Variants in ZYX observed in about 807,000 individuals in gnomAD.
The protein encoded by ZYX is zyxin.
In ZYX, 37 loss-of-function variants were observed where a neutral mutation model predicts 58.1. That is an observed-to-expected ratio of 0.64 (90% CI 0.49 to 0.84). The LOEUF (loss-of-function observed/expected upper bound fraction) is 0.84, where lower values mean the gene tolerates loss of function less well. ZYX is among the 40% of genes least tolerant of loss of function. The pLI is 0.00. For missense variants in ZYX, 762 were observed against 761.6 expected, an observed-to-expected ratio of 1.00 and a Z score of -0.01; for synonymous variants, 324 against 321.1, an observed-to-expected ratio of 1.01 and a Z score of -0.10.
Position 143,390,885 on chromosome 7 carries a change from C to T in ZYX, c.*203C>T, listed in dbSNP as rs550554697. 12 of 562,236 alleles carry T rather than the reference C, an allele frequency of 2.1e-5. No individual in the cohort carries two copies. Among genetic ancestry groups the T allele is most frequent in the Admixed American group, 1.5e-4 (5 of 32,488 alleles). 34.8% of individuals were successfully genotyped at this position (562,236 alleles called of 1,614,324 possible). A position where few individuals can be genotyped will look rare whatever the true frequency, so the allele number is the denominator to read the frequency against. On this transcript the variant is annotated 3_prime_UTR_variant, in exon 10 of 10. Coordinates refer to ENST00000322764, the MANE Select transcript of ZYX (RefSeq NM_003461.5). The surrounding 1 kb of genome is among the most constrained non-coding windows in gnomAD (Gnocchi z 4.3). ...CCCGCCCTGGGGTCTGGTCCTCGCC[C>T]ATCCTGCAGGGATTGCCCACCGTCT...
Position 143,390,113 on chromosome 7 carries a change from C to A in ZYX, c.1614+136C>A. 1 of 1,278,724 alleles carries A rather than the reference C, an allele frequency of 7.8e-7. No individual in the cohort carries two copies. 79.2% of individuals were successfully genotyped at this position (1,278,724 alleles called of 1,614,324 possible). ...ATTTTGAGGGTGGCTCATGGTGGCA[C>A]CCCATCTGTCCTGCCAGAATGCTTC... is the stretch of plus-strand genomic sequence containing the variant. On this transcript the variant is annotated intron_variant, in intron 9 of 9. Coordinates refer to ENST00000322764, the MANE Select transcript of ZYX (RefSeq NM_003461.5). The surrounding 1 kb of genome is among the most constrained non-coding windows in gnomAD (Gnocchi z 4.3).
rs1444967841 is a variant in ZYX at position 143,389,726 on chromosome 7, T to C, written c.1494-131T>C. 3.0e-6 allele frequency: 4 copies of C among 1,338,680 alleles called. No individual in the cohort carries two copies. The highest frequency in any genetic ancestry group is 4.1e-6 in the Non-Finnish European group (4 of 984,880). 82.9% of individuals were successfully genotyped at this position (1,338,680 alleles called of 1,614,324 possible). On this transcript the variant is annotated intron_variant, in intron 8 of 9. Transcript: ENST00000322764. This position sits in a 1 kb window ranked among gnomAD's most constrained non-coding sequence, Gnocchi z 5.6. Reference sequence around the variant, plus strand: ...ATGGTGTCTCACTCTTAGGCCCTTCTGGTGAGCTTCCTTCACCTGGAGATG... The same window carrying C: ...ATGGTGTCTCACTCTTAGGCCCTTCCGGTGAGCTTCCTTCACCTGGAGATG...
At chr7:143,385,410 T>C (rs552524819) in intron 5 of ZYX, among the ~76,000 whole-genome samples, 1 of 151,926 alleles carries the variant, frequency 6.6e-6, no homozygotes, top group South Asian at 2.1e-4. Flanking sequence ...TATGTGAGTG[T>C]ATGTGCATGT....
chr7:143,382,635 C>G lies in ZYX; in HGVS notation c.451C>G (p.Leu151Val), dbSNP rs774226385. 1.9e-6 allele frequency: 3 copies of G among 1,614,104 alleles called. No homozygotes were observed. The highest frequency in any genetic ancestry group is 1.7e-6 in the Non-Finnish European group (2 of 1,179,990). ...VSSIDLEIDS[L>V]SSLLDDMTKN... ...CAGTATTGATTTGGAGATCGACTCT[C>G]TGTCCTCACTGCTGGATGACATGAC... The change falls in exon 4 of 10, where the codon CTG becomes GTG. Residue 151 changes from leucine to valine, a missense_variant. Physicochemically the swap from Leu to Val is conservative, Grantham distance 32. Transcript: ENST00000322764.
rs1210934001 is a variant in ZYX at position 143,390,555 on chromosome 7, C to G, written c.1615-23C>G. Reference sequence around the variant, plus strand: ...GAGCAGGGGCCTTCCGGTCCAGTGCCCCTCACCCTTCCTTCTTCCCAGGAC... The same window carrying G: ...GAGCAGGGGCCTTCCGGTCCAGTGCGCCTCACCCTTCCTTCTTCCCAGGAC... On this transcript the variant is annotated intron_variant, in intron 9 of 9. Transcript: ENST00000322764. This position sits in a 1 kb window ranked among gnomAD's most constrained non-coding sequence, Gnocchi z 4.3. The G allele has an allele frequency of 6.5e-7, 1 of 1,537,804 alleles. No individual in the cohort carries two copies. Among genetic ancestry groups the G allele is most frequent in the Non-Finnish European group, 8.8e-7 (1 of 1,133,754 alleles).
intron 2 of ZYX, 32 bp from the exon 3 acceptor site, chr7:143,382,216 C>T: frequency 6.3e-7 from 1 of 1,593,954 alleles, no homozygotes; most frequent in Non-Finnish European, 8.6e-7. Flanking sequence ...GTAGAGGGAC[C>T]CCGGCCGACG....
At position 143,390,735 on chromosome 7, in the gene ZYX, A is replaced by G. The variant is rs574580976; in HGVS notation, c.*53A>G. The G allele has an allele frequency of 6.0e-6, 8 of 1,335,514 alleles. No homozygotes were observed. In the East Asian group the frequency reaches 2.0e-4, roughly 33 times the overall value. The allele number at this position is 1,335,514 out of a possible 1,614,324, so 82.7% of individuals were successfully genotyped here. ...GTCCATGCCCCATTGTGGACCACCC[A>G]CACTGAGACCACCTGCCCCCACCTC... On this transcript the variant is annotated 3_prime_UTR_variant, in exon 10 of 10. Coordinates refer to ENST00000322764, the MANE Select transcript of ZYX (RefSeq NM_003461.5). This position sits in a 1 kb window ranked among gnomAD's most constrained non-coding sequence, Gnocchi z 4.3.
Position 143,388,816 on chromosome 7 carries a change from T to C in ZYX, c.1364T>C (p.Met455Thr), listed in dbSNP as rs773934127. Reference protein sequence around the residue: ...NTCGEPITDRMLRATGKAYHP... With the variant: ...NTCGEPITDRTLRATGKAYHP... The stretch of plus-strand genomic sequence containing the variant: ...TGCGGGGAGCCCATCACTGACCGCA[T>C]GCTGAGGGCCACGGGCAAGGCCTAT... The change falls in exon 8 of 10, where the codon ATG (methionine) becomes ACG (threonine). Residue 455 changes from methionine (M) to threonine (T), a missense_variant. By Grantham distance (81) the Met-to-Thr change is moderately conservative (BLOSUM62 -1). Coordinates refer to ENST00000322764, the MANE Select transcript of ZYX (RefSeq NM_003461.5). This position sits in a 1 kb window ranked among gnomAD's most constrained non-coding sequence, Gnocchi z 7.5. 3.1e-6 allele frequency: 5 copies of C among 1,613,964 alleles called. No homozygotes were observed. In the African/African-American group the frequency reaches 5.3e-5, roughly 17 times the overall value.
rs1164019960 is a variant in ZYX, at chr7:143,387,719, T to G, written c.1024-500T>G. ...GGTTCTTGCAGACAGCTCAGTGGGT[T>G]TAACCTGCAATTCCTGCCTGTGTTG... On this transcript the variant is annotated intron_variant, in intron 5 of 9. Coordinates refer to ENST00000322764, the MANE Select transcript of ZYX (RefSeq NM_003461.5). This position sits in a 1 kb window ranked among gnomAD's most constrained non-coding sequence, Gnocchi z 5.8. 2.1e-6 allele frequency: 1 copy of G among 471,248 alleles called. No homozygotes were observed. Among genetic ancestry groups the G allele is most frequent in the Non-Finnish European group, 4.4e-6 (1 of 227,056 alleles). The allele number at this position is 471,248 out of a possible 1,614,324, so 29.2% of individuals were successfully genotyped here.
chr7:143,386,808 A>G (rs895917976), intron 5 of ZYX, among the ~76,000 whole-genome samples: 17 of 152,112 alleles, frequency 1.1e-4, no homozygotes, highest in African/African-American at 4.1e-4. Context: ...CTTGGAGGTA[A>G]ATCTGAGGTC....
chr7:143,382,269 C>T lies in ZYX; in HGVS notation c.230C>T (p.Pro77Leu), dbSNP rs199506559. The T allele has an allele frequency of 5.5e-5, 89 of 1,612,780 alleles. 1 individual carries two copies. In the South Asian group the frequency reaches 9.6e-4, roughly 17 times the overall value. Residue 77 changes from proline to leucine, a missense_variant, in exon 3 of 10, where the codon CCC becomes CTC. Coordinates refer to ENST00000322764, the MANE Select transcript of ZYX (RefSeq NM_003461.5). ...PPEDFPLPPP[P>L]LAGDGDDAEG... Reference sequence around the variant, plus strand: ...CCAGACTTTCCCCTGCCTCCACCTCCCCTTGCTGGGGATGGCGACGATGCA... The same window carrying T: ...CCAGACTTTCCCCTGCCTCCACCTCTCCTTGCTGGGGATGGCGACGATGCA...
Position 143,389,829 on chromosome 7 carries a change from C to G in ZYX, c.1494-28C>G. 1 of 1,612,210 alleles carries G rather than the reference C, an allele frequency of 6.2e-7. No individual in the cohort carries two copies. ...CACCGGGGATGAAAGCCCTGGCTAA[C>G]TCGGCTGGCCCTTTCTGCCCCTTCC... On this transcript the variant is annotated intron_variant, in intron 8 of 9. Coordinates refer to ENST00000322764, the MANE Select transcript of ZYX (RefSeq NM_003461.5). This position sits in a 1 kb window ranked among gnomAD's most constrained non-coding sequence, Gnocchi z 5.6.
intron 3 of ZYX, 41 bp from the exon 4 acceptor site, chr7:143,382,552 A>T (rs1303458388): frequency 1.2e-6 from 2 of 1,606,308 alleles, no homozygotes; most frequent in Non-Finnish European, 1.7e-6. Flanking sequence ...GGGTGGGGGG[A>T]TAGAGGCATG....
At position 143,389,928 on chromosome 7, in the gene ZYX, G is replaced by A. The variant is rs200704529; in HGVS notation, c.1565G>A (p.Arg522Gln). ...GAGCCTGGCCGAGATGAGACTGTGCGAGTGGTCGCCCTGGACAAGAACTTC... is the reference window on the plus strand; with the variant it reads ...GAGCCTGGCCGAGATGAGACTGTGCAAGTGGTCGCCCTGGACAAGAACTTC... ...MPEPGRDETV[R>Q]VVALDKNFHM... is the part of the protein sequence containing the mutation. Residue 522 changes from arginine (R) to glutamine (Q), a missense_variant, in exon 9 of 10, where the codon CGA becomes CAA. Transcript: ENST00000322764. This position sits in a 1 kb window ranked among gnomAD's most constrained non-coding sequence, Gnocchi z 5.6. 8.1e-6 allele frequency: 13 copies of A among 1,614,218 alleles called. No individual in the cohort carries two copies. The highest frequency in any genetic ancestry group is 3.3e-5 in the Admixed American group (2 of 60,028).
chr7:143,381,375 C>T lies in ZYX; in HGVS notation c.-50C>T, dbSNP rs1586558857. ...GTCTGCGGACCCGGCGCCGAGGCGG[C>T]CACCCGAGACGCGGCGCGCACGCTC... On this transcript the variant is annotated 5_prime_UTR_variant, in exon 1 of 10. Transcript: ENST00000322764. The T allele has an allele frequency of 8.5e-6, 10 of 1,171,234 alleles. No homozygotes were observed. The East Asian group carries it at 4.2e-4, about 49-fold the overall frequency. The allele number at this position is 1,171,234 out of a possible 1,614,324, so 72.6% of individuals were successfully genotyped here.
At position 143,389,803 on chromosome 7, in the gene ZYX, A is replaced by C; in HGVS notation, c.1494-54A>C. ...TGCCCAACCTGGCTTATGCGTGCGC[A>C]CACCGGGGATGAAAGCCCTGGCTAA... On this transcript the variant is annotated intron_variant, in intron 8 of 9. Transcript: ENST00000322764. This position sits in a 1 kb window ranked among gnomAD's most constrained non-coding sequence, Gnocchi z 5.6. 6.2e-7 allele frequency: 1 copy of C among 1,605,512 alleles called. No homozygotes were observed.
Position 143,381,455 on chromosome 7 carries a change from GGGGCGCC to G in ZYX, c.-16+50_-16+56del, listed in dbSNP as rs1356565805. ...GGGCGGCCCCACGGGGAGGGGGCGC[GGGGCGCC>G]GGGAGGGGGCGAGTGGGGGTCACCA... On this transcript the variant is annotated intron_variant, in intron 1 of 9. Transcript: ENST00000322764. 3.1e-6 allele frequency: 4 copies of G among 1,298,160 alleles called. No homozygotes were observed. In the African/African-American group the frequency reaches 6.2e-5, roughly 20 times the overall value. The allele number at this position is 1,298,160 out of a possible 1,614,324, so 80.4% of individuals were successfully genotyped here.
Position 143,387,683 on chromosome 7 carries a change from G to C in ZYX, c.1024-536G>C. 2.1e-6 allele frequency: 1 copy of C among 471,122 alleles called. No individual in the cohort carries two copies. The highest frequency in any genetic ancestry group is 6.9e-5 in the East Asian group (1 of 14,392). The allele number at this position is 471,122 out of a possible 1,614,324, so 29.2% of individuals were successfully genotyped here. A position where few individuals can be genotyped will look rare whatever the true frequency, so the allele number is the denominator to read the frequency against. ...CTCGAGGGACAGGGTCTCTGTGTGG[G>C]GGTGGGGCTGGGTTCTTGCAGACAG... On this transcript the variant is annotated intron_variant, in intron 5 of 9. Coordinates refer to ENST00000322764, the MANE Select transcript of ZYX (RefSeq NM_003461.5). The surrounding 1 kb of genome is among the most constrained non-coding windows in gnomAD (Gnocchi z 5.8).
rs11978404 is a variant in ZYX at position 143,382,967 on chromosome 7, A to T, written c.668A>T (p.His223Leu). 0.048 allele frequency: 78,249 copies of T among 1,613,390 alleles called. 5,589 individuals are homozygous for T. The highest frequency in any genetic ancestry group is 0.34 in the African/African-American group (25,771 of 74,858). ...CCGGCTCAGAGCCAGACACAGTTCCATGTTCAGCCCCAGCCCCAGCCCAAG... is the reference window on the plus strand; with the variant it reads ...CCGGCTCAGAGCCAGACACAGTTCCTTGTTCAGCCCCAGCCCCAGCCCAAG... The part of the protein sequence containing the change: ...PAPAQSQTQF[H>L]VQPQPQPKPQ... The change falls in exon 5 of 10, where the codon CAT becomes CTT. Residue 223 changes from histidine (H) to leucine (L), a missense_variant. Transcript: ENST00000322764.
Sources: allele counts gnomAD v4.1 joint callset (sites outside exome capture counted in the v4.1 genomes callset), GRCh38; gene constraint gnomAD v4.1.1; non-coding constraint Gnocchi (gnomAD v3.1); transcripts MANE v1.5; gene names NCBI Gene and HGNC (gene_info 2026-07-23, HGNC 2026-07-21).